Variants in TRIM2 observed in about 807,000 individuals in gnomAD.
The protein encoded by TRIM2 is tripartite motif containing 2, also known as tripartite motif-containing protein 2.
Under a neutral mutation model 75.2 loss-of-function variants are expected in TRIM2, and 20 were observed. That is an observed-to-expected ratio of 0.27 (90% CI 0.19 to 0.39). TRIM2 has a LOEUF of 0.39. Among genes scored for constraint, TRIM2 ranks in the 10% least tolerant of loss-of-function variants. The pLI, the probability that TRIM2 is intolerant of heterozygous loss-of-function variation, is 1.00. For synonymous variants in TRIM2, 373 were observed against 388.3 expected, an observed-to-expected ratio of 0.96 and a Z score of 0.46; for missense variants, 660 against 990.8, an observed-to-expected ratio of 0.67 and a Z score of 4.48.
rs540993381 is a variant in TRIM2, at chr4:153,233,899, C to T, written c.30+29339C>T. Among the ~76,000 whole-genome samples the T allele has an allele frequency of 7.9e-5, 12 of 152,258 alleles. No individual in the cohort carries two copies. In the East Asian group the frequency reaches 2.1e-3, roughly 27 times the overall value. ...CGGAGGTATGATTTCCTGTTGCAAT[C>T]ACTGTTTGCAGGAATTACATGCAAG... On this transcript the variant is annotated intron_variant, in intron 1 of 11. Coordinates refer to ENST00000338700, the MANE Select transcript of TRIM2 (RefSeq NM_015271.5).
chr4:153,182,671 A>C (rs900730206), intron 1 of TRIM2, among the ~76,000 whole-genome samples: 4 of 152,216 alleles, frequency 2.6e-5, no homozygotes, highest in Non-Finnish European at 5.9e-5. Flanking sequence ...GGCTCATTTT[A>C]TGATCTTATG....
chr4:153,288,096 C>CTGG (rs1273278735), intron 3 of TRIM2, among the ~76,000 whole-genome samples: 1 of 151,756 alleles, frequency 6.6e-6, no homozygotes, highest in Non-Finnish European at 1.5e-5. Context: ...GAATATATTA[C>CTGG]CCCATTGATT....
intron 3 of TRIM2, among the ~76,000 whole-genome samples, chr4:153,278,208 G>C (rs1304576730): frequency 6.6e-6 from 1 of 152,060 alleles, no homozygotes; most frequent in Non-Finnish European, 1.5e-5. Flanking sequence ...TGGCTTAAGC[G>C]ATCTTTCCAC....
chr4:153,307,807 G>A (rs1765348919), intron 6 of TRIM2: 3 of 725,454 alleles, frequency 4.1e-6, no homozygotes, highest in Admixed American at 1.8e-5. Context: ...GTGTCTTGCT[G>A]GATGTAATAG....
chr4:153,167,312 G>A (rs529434410), intron 1 of TRIM2, among the ~76,000 whole-genome samples: 33 of 152,308 alleles, frequency 2.2e-4, no homozygotes, highest in African/African-American at 7.9e-4. Context: ...TGATCTTGCC[G>A]CGAAGATGGT....
intron 1 of TRIM2, among the ~76,000 whole-genome samples, chr4:153,173,160 G>C (rs559864902): frequency 8.3e-4 from 126 of 152,250 alleles, no homozygotes; most frequent in African/African-American, 2.8e-3. Context: ...CACACTCAAG[G>C]CTTAGGGGTT....
intron 1 of TRIM2, among the ~76,000 whole-genome samples, chr4:153,186,112 C>A (rs188622228): frequency 4.9e-4 from 74 of 152,256 alleles, no homozygotes; most frequent in South Asian, 2.1e-3. Flanking sequence ...TGGTACACAT[C>A]CTGCAATGCA....
In TRIM2 at chr4:153,337,796, G is replaced by C. The variant is rs2149615381; in HGVS notation, c.*2830G>C. 4 of 985,776 alleles carry C rather than the reference G, an allele frequency of 4.1e-6. No homozygotes were observed. The highest frequency in any genetic ancestry group is 4.8e-6 in the Non-Finnish European group (4 of 829,924). 61.1% of individuals were successfully genotyped at this position (985,776 alleles called of 1,614,324 possible). A position where few individuals can be genotyped will look rare whatever the true frequency, so the allele number is the denominator to read the frequency against. On this transcript the variant is annotated 3_prime_UTR_variant, in exon 12 of 12. Coordinates refer to ENST00000338700, the MANE Select transcript of TRIM2 (RefSeq NM_015271.5). ...ACCTGTCATACATTCATGATAAGTA[G>C]CACTGAAAAATTACTCATTCAAATT...
At chr4:153,279,642 C>CA (rs1462962990) in intron 3 of TRIM2, among the ~76,000 whole-genome samples, 1 of 151,862 alleles carries the variant, frequency 6.6e-6, no homozygotes, top group African/African-American at 2.4e-5. Flanking sequence ...CTCATCTCTA[C>CA]AAAAAAATCA....
chr4:153,182,547 T>G (rs370257523), intron 1 of TRIM2, among the ~76,000 whole-genome samples: 1 of 152,286 alleles, frequency 6.6e-6, no homozygotes, highest in South Asian at 2.1e-4. Flanking sequence ...AGTGAGCTGA[T>G]TCATATAAAT....
Position 153,337,908 on chromosome 4 carries a change from C to T in TRIM2, c.*2942C>T, listed in dbSNP as rs1772635195. The T allele has an allele frequency of 2.0e-6, 2 of 985,660 alleles. No individual in the cohort carries two copies. The highest frequency in any genetic ancestry group is 4.7e-5 in the South Asian group (1 of 21,284). 61.1% of individuals were successfully genotyped at this position (985,660 alleles called of 1,614,324 possible). Reference sequence around the variant, plus strand: ...TTCCTCCCAGTACAGACCCCCCAGCCCCCCTTGCTGGACATGGGGAGGCAG... The same window carrying T: ...TTCCTCCCAGTACAGACCCCCCAGCTCCCCTTGCTGGACATGGGGAGGCAG... On this transcript the variant is annotated 3_prime_UTR_variant, in exon 12 of 12. Transcript: ENST00000338700.
chr4:153,164,165 G>C (rs1300169418), intron 1 of TRIM2, among the ~76,000 whole-genome samples: 2 of 151,918 alleles, frequency 1.3e-5, no homozygotes, highest in Non-Finnish European at 2.9e-5. Context: ...TTGAGACAGG[G>C]TCTCCCTCTG....
At chr4:153,257,710 A>G (rs1752417419) in intron 1 of TRIM2, 9 of 763,504 alleles carry the variant, frequency 1.2e-5, no homozygotes, top group Admixed American at 2.3e-5. Flanking sequence ...GCAGCGACAG[A>G]CTTGGGAGGA....
rs148133114 is a variant in TRIM2, at chr4:153,304,019, C to T, written c.1510+7983C>T. Among the ~76,000 whole-genome samples, 1,026 of 152,244 alleles carry T rather than the reference C, an allele frequency of 6.7e-3. 13 individuals carry two copies. The highest frequency in any genetic ancestry group is 0.023 in the African/African-American group (967 of 41,530). Reference sequence around the variant, plus strand: ...CATGTAAAAGATGGAGTGCCTTCAGCATAAATCAAGGCACAGAAGTCAGGA... The same window carrying T: ...CATGTAAAAGATGGAGTGCCTTCAGTATAAATCAAGGCACAGAAGTCAGGA... On this transcript the variant is annotated intron_variant, in intron 6 of 11. Transcript: ENST00000338700.
At chr4:153,160,450 AT>A (rs1729634853) in intron 1 of TRIM2, among the ~76,000 whole-genome samples, 2 of 152,322 alleles carry the variant, frequency 1.3e-5, no homozygotes, top group South Asian at 4.1e-4. Flanking sequence ...TCCAGGCCTC[AT>A]TTTAAAGAGA....
intron 1 of TRIM2, among the ~76,000 whole-genome samples, chr4:153,255,931 T>A (rs1751977052): frequency 1.3e-5 from 2 of 152,170 alleles, no homozygotes; most frequent in African/African-American, 2.4e-5. Context: ...TGCTTAGGAC[T>A]GTGGGGATGT....
Position 153,335,327 on chromosome 4 carries a change from C to T in TRIM2, c.*361C>T, listed in dbSNP as rs1772331903. The T allele has an allele frequency of 1.0e-6, 1 of 997,942 alleles. No homozygotes were observed. Among genetic ancestry groups the T allele is most frequent in the African/African-American group, 1.7e-5 (1 of 57,838 alleles). The allele number at this position is 997,942 out of a possible 1,614,324, so 61.8% of individuals were successfully genotyped here. A position where few individuals can be genotyped will look rare whatever the true frequency, so the allele number is the denominator to read the frequency against. On this transcript the variant is annotated 3_prime_UTR_variant, in exon 12 of 12. Coordinates refer to ENST00000338700, the MANE Select transcript of TRIM2 (RefSeq NM_015271.5). Reference sequence around the variant, plus strand: ...AATCCTGTGAATGGTAGCTTTTGCACAGAACTTCCAAAAGCAAAACAAAAA... The same window carrying T: ...AATCCTGTGAATGGTAGCTTTTGCATAGAACTTCCAAAAGCAAAACAAAAA...
intron 1 of TRIM2, among the ~76,000 whole-genome samples, chr4:153,158,026 A>G (rs1343659231): frequency 1.3e-5 from 2 of 152,192 alleles, no homozygotes. Flanking sequence ...GCCAGGGTTT[A>G]CACAGTCAGT....
At chr4:153,158,124 T>C (rs1000745819) in intron 1 of TRIM2, among the ~76,000 whole-genome samples, 2 of 152,240 alleles carry the variant, frequency 1.3e-5, no homozygotes, top group Non-Finnish European at 1.5e-5. Flanking sequence ...AATTGACTAC[T>C]TAACGGAAGA....
Sources: gnomAD v4.1 joint callset for allele counts (sites outside exome capture counted in the v4.1 genomes callset) on GRCh38, gnomAD v4.1.1 for gene constraint, MANE v1.5 for transcripts, NCBI Gene and HGNC (gene_info 2026-07-23, HGNC 2026-07-21) for gene names.